The following KIAA1217 variants were observed in gnomAD, a reference collection of about 807,000 sequenced individuals.
KIAA1217 encodes sickle tail protein homolog.
Under a neutral mutation model 163.9 loss-of-function variants are expected in KIAA1217, and 88 were observed. The observed-to-expected ratio is 0.54, with a 90% CI of 0.45 to 0.64. The LOEUF (loss-of-function observed/expected upper bound fraction) is 0.64. KIAA1217 is among the 30% of genes least tolerant of loss of function. KIAA1217 has a pLI of 0.00. For synonymous variants in KIAA1217, 903 were observed against 923.1 expected (o/e 0.98, Z 0.39); for missense variants, 2,372 against 2,475.0 (o/e 0.96, Z 0.88).
chr10:24,435,506 C>T (rs1220176493), intron 4 of KIAA1217, among the ~76,000 whole-genome samples: 3 of 152,188 alleles, frequency 2.0e-5, no homozygotes, highest in African/African-American at 7.2e-5. Context: ...AGTAAACATG[C>T]AACTTAGGGA....
At chr10:24,114,833 G>T (rs769504681) in intron 2 of KIAA1217, among the ~76,000 whole-genome samples, 2 of 152,162 alleles carry the variant, frequency 1.3e-5, no homozygotes, top group South Asian at 2.1e-4. Context: ...GCACCATCTG[G>T]TGTCTGCCTA....
At chr10:24,522,278 T>C (rs1424998503) in intron 12 of KIAA1217, among the ~76,000 whole-genome samples, 1 of 152,006 alleles carries the variant, frequency 6.6e-6, no homozygotes, top group Non-Finnish European at 1.5e-5. Context: ...GAGCTATGAC[T>C]GAGCCACTGC....
At chr10:23,766,679 C>G (rs1368328372) in intron 1 of KIAA1217, among the ~76,000 whole-genome samples, 3 of 150,302 alleles carry the variant, frequency 2.0e-5, no homozygotes, top group Non-Finnish European at 4.4e-5. Context: ...ATCTCTGCCT[C>G]CCGGTTTCAA....
At chr10:24,062,322 T>C (rs946154787) in intron 2 of KIAA1217, among the ~76,000 whole-genome samples, 1 of 121,658 alleles carries the variant, frequency 8.2e-6, no homozygotes, top group Non-Finnish European at 1.6e-5. Flanking sequence ...CAGTGTGTGA[T>C]GTTCCCCTTC....
At chr10:24,397,408 G>A (rs1449584703) in intron 3 of KIAA1217, among the ~76,000 whole-genome samples, 1 of 152,082 alleles carries the variant, frequency 6.6e-6, no homozygotes, top group Admixed American at 6.6e-5. Flanking sequence ...ACTCTTAACC[G>A]AGGATATGAT....
intron 2 of KIAA1217, among the ~76,000 whole-genome samples, chr10:24,147,925 A>G (rs773800470): frequency 6.6e-6 from 1 of 151,692 alleles, no homozygotes; most frequent in East Asian, 1.9e-4. Flanking sequence ...CGCATTTTCA[A>G]TTATGTACTT....
intron 1 of KIAA1217, among the ~76,000 whole-genome samples, chr10:23,982,532 TC>T (rs1564585200): frequency 1.1e-4 from 7 of 62,196 alleles, no homozygotes; most frequent in African/African-American, 6.3e-4. Flanking sequence ...TTTTTGTTTC[TC>T]TCTCTCTCTC....
At chr10:24,078,686 C>T (rs1247262751) in intron 2 of KIAA1217, among the ~76,000 whole-genome samples, 6 of 152,136 alleles carry the variant, frequency 3.9e-5, no homozygotes. Context: ...AGACAGTGAT[C>T]TGGTGCTGAG....
chr10:23,898,738 TC>T (rs1841822172), intron 1 of KIAA1217, among the ~76,000 whole-genome samples: 2 of 152,010 alleles, frequency 1.3e-5, no homozygotes, highest in African/African-American at 4.8e-5. Flanking sequence ...GTCCCAATTT[TC>T]CCCTCCACCC....
At chr10:23,753,231 A>G (rs1019355978) in intron 1 of KIAA1217, among the ~76,000 whole-genome samples, 5 of 152,232 alleles carry the variant, frequency 3.3e-5, no homozygotes, top group African/African-American at 1.2e-4. Context: ...CATTGGTTAT[A>G]AGCAGAATAT....
Position 23,704,444 on chromosome 10 carries a change from T to C in KIAA1217, c.-321+9210T>C, listed in dbSNP as rs189418920. ...TAAAAGAAACTCCCCTACCCAGTAG[T>C]TGCGGTTCCCTTCTTACCTTCCAGC... On this transcript the variant is annotated intron_variant, in intron 1 of 18. Coordinates refer to the KIAA1217 transcript ENST00000376462. 8.4e-4 allele frequency among the ~76,000 whole-genome samples: 127 copies of C among 151,936 alleles called. 1 individual carries two copies. In the East Asian group the frequency reaches 0.022, roughly 26 times the overall value.
chr10:24,206,534 G>C (rs1164142298), upstream of KIAA1217, among the ~76,000 whole-genome samples: 1 of 152,210 alleles, frequency 6.6e-6, no homozygotes, highest in South Asian at 2.1e-4. Flanking sequence ...ATATGGAATA[G>C]TCGGTGCAAG....
chr10:24,319,089 G>A (rs552144701), intron 2 of KIAA1217, among the ~76,000 whole-genome samples: 9 of 152,188 alleles, frequency 5.9e-5, no homozygotes, highest in East Asian at 3.9e-4. Flanking sequence ...CTGAAGAAGC[G>A]CTTTGGGGCC....
At chr10:23,829,668 A>T (rs1394314502) in intron 1 of KIAA1217, among the ~76,000 whole-genome samples, 1 of 152,162 alleles carries the variant, frequency 6.6e-6, no homozygotes, top group Non-Finnish European at 1.5e-5. Context: ...CATCACAGTC[A>T]TTTGATATGA....
chr10:24,369,179 ATGTG>A (rs59687010), intron 2 of KIAA1217, among the ~76,000 whole-genome samples: 1,611 of 139,610 alleles, frequency 0.012, 13 homozygotes, highest in Non-Finnish European at 0.017. Flanking sequence ...AACTTTCACT[ATGTG>A]TGTGTGTGTG....
At position 24,544,134 on chromosome 10, in the gene KIAA1217, C is replaced by A; in HGVS notation, c.4864C>A (p.Arg1622Ser). 1 of 1,614,024 alleles carries A rather than the reference C, an allele frequency of 6.2e-7. No individual in the cohort carries two copies. Among genetic ancestry groups the A allele is most frequent in the Non-Finnish European group, 8.5e-7 (1 of 1,180,014 alleles). ...GTLKQHKEAK[R>S]FEIARSQPED... ...CCTGAAACAGCACAAAGAAGCCAAG[C>A]GCTTCGAAATCGCTAGGTCTCAACC... The change falls in exon 19 of 21, where the codon CGC becomes AGC. Residue 1622 changes from arginine to serine, a missense_variant. By Grantham distance (110) the Arg-to-Ser change is moderately radical. Coordinates refer to ENST00000376454, the MANE Select transcript of KIAA1217 (RefSeq NM_019590.5).
intron 2 of KIAA1217, among the ~76,000 whole-genome samples, chr10:24,164,790 G>T (rs59755412): frequency 6.6e-6 from 1 of 152,242 alleles, no homozygotes; most frequent in African/African-American, 2.4e-5. Context: ...AGGTGGAAAG[G>T]CCCTGCTATC....
chr10:23,749,672 T>C (rs1205536271), intron 1 of KIAA1217, among the ~76,000 whole-genome samples: 1 of 152,256 alleles, frequency 6.6e-6, no homozygotes, highest in African/African-American at 2.4e-5. Flanking sequence ...CCCGAAGTGC[T>C]GGGATTATAG....
intron 2 of KIAA1217, among the ~76,000 whole-genome samples, chr10:24,060,224 C>T (rs749332899): frequency 3.3e-5 from 5 of 152,030 alleles, no homozygotes; most frequent in Admixed American, 6.5e-5. Context: ...TTTCTGCCAA[C>T]TTTTAGACTT....
Sources: gnomAD v4.1 joint callset for allele counts (sites outside exome capture counted in the v4.1 genomes callset) on GRCh38, gnomAD v4.1.1 for gene constraint, MANE v1.5 for transcripts, NCBI Gene and HGNC (gene_info 2026-07-23, HGNC 2026-07-21) for gene names.